FAAP20: variants seen among roughly 807,000 people sequenced by gnomAD.
FAAP20 encodes the protein Fanconi anemia core complex-associated protein 20.
FAAP20 carries 12 observed loss-of-function variants against 16.2 expected under a neutral mutation model. The observed-to-expected ratio is 0.74, with a 90% confidence interval of 0.48 to 1.20. The LOEUF (loss-of-function observed/expected upper bound fraction) is 1.20, where lower values mean the gene tolerates loss of function less well. FAAP20 is among the 50% of genes most tolerant of loss of function. FAAP20 has a pLI of 0.00. For missense variants in FAAP20, 288 were observed against 245.8 expected (o/e 1.17, Z -1.15); for synonymous variants, 141 against 110.7 (o/e 1.27, Z -1.72).
downstream of FAAP20, chr1:2,186,743 T>C (rs1687651822): frequency 6.5e-6 from 1 of 154,678 alleles, no homozygotes; most frequent in Non-Finnish European, 1.4e-5. Context: ...GGACCCCACC[T>C]TGAGTGGGAG....
At chr1:2,185,308 C>T (rs753475181), downstream of FAAP20, 11 of 718,578 alleles carry the variant, frequency 1.5e-5, no homozygotes, top group Middle Eastern at 2.3e-4. Flanking sequence ...ACATTTTCCA[C>T]GGAAACAGAA....
chr1:2,189,563 G>C lies in FAAP20; in HGVS notation c.*146C>G, dbSNP rs1317358736. 8 of 703,840 alleles carry C rather than the reference G, an allele frequency of 1.1e-5. No individual in the cohort carries two copies. The highest frequency in any genetic ancestry group is 8.0e-5 in the East Asian group (3 of 37,444). The allele number at this position is 703,840 out of a possible 1,614,324, so 43.6% of individuals were successfully genotyped here. A position where few individuals can be genotyped will look rare whatever the true frequency, so the allele number is the denominator to read the frequency against. ...GCGGCAGACGTTTCATCACAACACA[G>C]AGACAGACAGGAGCCCGCCCTGCTT... is the stretch of plus-strand genomic sequence containing the variant. On this transcript the variant is annotated 3_prime_UTR_variant, in exon 4 of 4. Transcript: ENST00000378546.
At chr1:2,204,510 C>G (rs537156205), upstream of FAAP20, among the ~76,000 whole-genome samples, 1 of 152,346 alleles carries the variant, frequency 6.6e-6, no homozygotes, top group East Asian at 1.9e-4. Flanking sequence ...ACTTGGCGAT[C>G]CCGGTGGCTC....
At chr1:2,193,152 G>A (rs1688436974) in intron 3 of FAAP20, 1 of 434,804 alleles carries the variant, frequency 2.3e-6, no homozygotes, top group South Asian at 2.2e-5. Context: ...GCCAGGCACT[G>A]GGCAGTTTGG....
At chr1:2,185,416 C>G (rs748494455), downstream of FAAP20, 1 of 718,762 alleles carries the variant, frequency 1.4e-6, no homozygotes, top group Non-Finnish European at 2.6e-6. Flanking sequence ...TGCCTTTTTT[C>G]CGTGAGTGGC....
chr1:2,189,011 G>GAAAAAAAAAA (rs71578368), downstream of FAAP20, among the ~76,000 whole-genome samples: 8 of 105,812 alleles, frequency 7.6e-5, no homozygotes, highest in South Asian at 3.0e-4. Flanking sequence ...TCTCAAAAAA[G>GAAAAAAAAAA]AAAAAAAAAA....
downstream of FAAP20, among the ~76,000 whole-genome samples, chr1:2,210,255 G>A (rs528514287): frequency 7.2e-5 from 11 of 152,316 alleles, no homozygotes; most frequent in South Asian, 1.4e-3. Flanking sequence ...TGTGAGCCTC[G>A]AAACCACCTT....
intron 3 of FAAP20, chr1:2,192,320 C>T (rs916672636): frequency 6.1e-6 from 6 of 987,070 alleles, no homozygotes; most frequent in Middle Eastern, 5.2e-4. Flanking sequence ...ATCAAGTGTT[C>T]GAATGTGCTT....
upstream of FAAP20, chr1:2,194,813 GC>G: frequency 3.4e-6 from 2 of 587,970 alleles, no homozygotes; most frequent in Non-Finnish European, 3.9e-6. Context: ...CCCCGCCCCC[GC>G]CCCGGCCCCG....
In FAAP20 at chr1:2,189,656, C is replaced by CG; in HGVS notation, c.*52dup. 1 of 1,473,078 alleles carries CG rather than the reference C, an allele frequency of 6.8e-7. No individual in the cohort carries two copies. The highest frequency in any genetic ancestry group is 9.4e-7 in the Non-Finnish European group (1 of 1,066,522). 91.3% of individuals were successfully genotyped at this position (1,473,078 alleles called of 1,614,324 possible). ...GGGAGCCGAGAGGCGGGGCTGCTGG[C>CG]GGGGGAGAGCGTGTCCGGGCGCCGC... On this transcript the variant is annotated 3_prime_UTR_variant, in exon 4 of 4. Coordinates refer to ENST00000378546, the MANE Select transcript of FAAP20 (RefSeq NM_182533.4).
At position 2,194,030 on chromosome 1, in the gene FAAP20, C is replaced by G. The variant is rs1488608748; in HGVS notation, c.166G>C (p.Glu56Gln). The G allele has an allele frequency of 6.2e-7, 1 of 1,612,592 alleles. No homozygotes were observed. Residue 56 changes from glutamate (E) to glutamine (Q), a missense_variant, in exon 2 of 4, where the codon GAG becomes CAG. Physicochemically the swap from Glu to Gln is conservative, Grantham distance 29. Coordinates refer to ENST00000378546, the MANE Select transcript of FAAP20 (RefSeq NM_182533.4). Reference sequence around the variant, plus strand: ...GGGAAGGCGGGCAGTGAAGGCACCTCGTGATCCAGGATCAGCTCCGGGCTC... The same window carrying G: ...GGGAAGGCGGGCAGTGAAGGCACCTGGTGATCCAGGATCAGCTCCGGGCTC... The part of the protein sequence containing the change: ...TVSPELILDH[E>Q]VPSLPAFPGQ...
upstream of FAAP20, chr1:2,199,688 T>A (rs1688969447): frequency 2.1e-6 from 2 of 956,584 alleles, no homozygotes; most frequent in Non-Finnish European, 2.5e-6. This position sits in a 1 kb window ranked among gnomAD's most constrained non-coding sequence, Gnocchi z 4.5. Flanking sequence ...GTGGCCTCGC[T>A]CGGAAGCAAG....
At chr1:2,200,623 T>C, upstream of FAAP20, 2 of 985,494 alleles carry the variant, frequency 2.0e-6, no homozygotes. Context: ...CGTTTTAGGC[T>C]CCCAGTGTGT....
intron 3 of FAAP20, chr1:2,190,374 T>A (rs774309502): frequency 8.9e-6 from 4 of 451,334 alleles, no homozygotes; most frequent in Non-Finnish European, 1.8e-5. Flanking sequence ...GCTGGGATGG[T>A]GGCCGGCCAG....
At chr1:2,195,025 C>T (rs1688748214), upstream of FAAP20, among the ~76,000 whole-genome samples, 1 of 151,894 alleles carries the variant, frequency 6.6e-6, no homozygotes, top group South Asian at 2.1e-4. Flanking sequence ...CGGGCCGGAG[C>T]CCCCTCCGTT....
At chr1:2,192,015 G>T (rs1227104768) in intron 3 of FAAP20, 1 of 985,406 alleles carries the variant, frequency 1.0e-6, no homozygotes, top group African/African-American at 1.7e-5. Context: ...AGAAATGGGA[G>T]GCCTCCTGGC....
At chr1:2,190,040 C>A (rs1001603220) in intron 3 of FAAP20, 1 of 601,310 alleles carries the variant, frequency 1.7e-6, no homozygotes, top group Non-Finnish European at 3.1e-6. Context: ...TGTGTCTCAA[C>A]AAGCCTCTCT....
At chr1:2,198,501 G>A, upstream of FAAP20, 4 of 451,378 alleles carry the variant, frequency 8.9e-6, no homozygotes, top group South Asian at 8.5e-5. Context: ...CCAGCCACTG[G>A]CATCCTCAGA....
At chr1:2,210,574 G>C (rs528745369), downstream of FAAP20, among the ~76,000 whole-genome samples, 2 of 152,308 alleles carry the variant, frequency 1.3e-5, no homozygotes, top group South Asian at 2.1e-4. Context: ...TTGGGGGCTG[G>C]GTGGGGGTGG....
Sources: allele counts gnomAD v4.1 joint callset (sites outside exome capture counted in the v4.1 genomes callset), GRCh38; gene constraint gnomAD v4.1.1; non-coding constraint Gnocchi (gnomAD v3.1); transcripts MANE v1.5; gene names NCBI Gene and HGNC (gene_info 2026-07-23, HGNC 2026-07-21).